CCDC136: variants seen among roughly 807,000 people sequenced by gnomAD.
CCDC136 encodes coiled-coil domain-containing protein 136.
A neutral mutation model predicts 141.2 loss-of-function variants in CCDC136; 100 were observed. That is an observed-to-expected ratio of 0.71 (90% CI 0.60 to 0.84). CCDC136 has a LOEUF of 0.84. Among genes scored for constraint, CCDC136 ranks in the 40% least tolerant of loss-of-function variants. The probability of loss-of-function intolerance (pLI) is 0.00; values close to 1 mark genes in which losing one functional copy is unlikely to be tolerated. For missense variants in CCDC136, 1,206 were observed against 1,379.4 expected (o/e 0.87, Z 1.99); for synonymous variants, 474 against 531.9 (o/e 0.89, Z 1.50).
chr7:128,819,920 A>G (rs1807207210), intron 17 of CCDC136, among the ~76,000 whole-genome samples: 1 of 152,130 alleles, frequency 6.6e-6, no homozygotes, highest in Admixed American at 6.5e-5. Flanking sequence ...TGTATTTTTT[A>G]TAAGCCCCTC....
At chr7:128,816,037 G>A in intron 16 of CCDC136, 106 bp downstream of exon 16, 16 of 1,122,958 alleles carry the variant, frequency 1.4e-5, no homozygotes, top group Non-Finnish European at 2.0e-5. Context: ...CAGGAGTGGA[G>A]GCCTCGCGCT....
intron 14 of CCDC136, 71 bp downstream of exon 14, chr7:128,813,000 A>G (rs1235900528): frequency 2.0e-6 from 2 of 990,064 alleles, no homozygotes; most frequent in Admixed American, 2.0e-5. Flanking sequence ...GCCACTTCAT[A>G]GAGGCTAAAG....
At chr7:128,796,078 C>T (rs868835397) in intron 3 of CCDC136, among the ~76,000 whole-genome samples, 5 of 152,280 alleles carry the variant, frequency 3.3e-5, no homozygotes, top group Middle Eastern at 3.4e-3. Flanking sequence ...CAGGTTCAAG[C>T]GATTCTAGTG....
rs371433810 is a variant in CCDC136 at position 128,812,709 on chromosome 7, G to A, written c.2543G>A (p.Arg848His). 3.7e-5 allele frequency: 60 copies of A among 1,611,876 alleles called. No individual in the cohort carries two copies. Among genetic ancestry groups the A allele is most frequent in the Middle Eastern group, 3.7e-4 (2 of 5,470 alleles). Residue 848 changes from arginine to histidine, a missense_variant and splice_region_variant, in exon 14 of 18, where the codon CGC (arginine) becomes CAC (histidine). Physicochemically the swap from Arg to His is conservative, Grantham distance 29. Transcript: ENST00000297788. ...EEPAEPEDME[R>H]FEEMVVKVLI... ...TTGTTGCTCCCCCACCCCCCGCAGC[G>A]CTTTGAGGAAATGGTTGTGAAAGTG...
intron 10 of CCDC136, chr7:128,809,246 C>T: frequency 1.9e-6 from 1 of 529,524 alleles, no homozygotes. Flanking sequence ...TCTAGAGCAA[C>T]CTGCTCTGAA....
chr7:128,799,929 T>C (rs1360141258), intron 3 of CCDC136, among the ~76,000 whole-genome samples: 1 of 152,254 alleles, frequency 6.6e-6, no homozygotes, highest in African/African-American at 2.4e-5. Flanking sequence ...CAGAGAACTC[T>C]TAACTCATTA....
At chr7:128,806,487 A>G in intron 8 of CCDC136, 92 bp downstream of exon 8, 1 of 1,296,768 alleles carries the variant, frequency 7.7e-7, no homozygotes, top group Non-Finnish European at 1.1e-6. Flanking sequence ...TGAGTTAAAA[A>G]TAATTCCAGC....
chr7:128,814,671 C>T lies in CCDC136; in HGVS notation c.2797C>T (p.Gln933Ter). 1 of 1,595,690 alleles carries T rather than the reference C, an allele frequency of 6.3e-7. No individual in the cohort carries two copies. Among genetic ancestry groups the T allele is most frequent in the Non-Finnish European group, 8.5e-7 (1 of 1,169,898 alleles). The change falls in exon 15 of 18, where the codon CAG (glutamine) becomes TAG (stop). Residue 933 changes from glutamine to a stop codon, truncating the protein, a stop_gained. Coordinates refer to ENST00000297788, the MANE Select transcript of CCDC136 (RefSeq NM_022742.5). LOFTEE classifies it high-confidence loss of function. ...KELQTKLRELQLQYQASMDEQ... is the reference protein window; with the variant it reads ...KELQTKLREL ...ACTGCAGACCAAGCTGCGGGAGCTG[C>T]AGCTGCAATACCAGGCTAGCATGGA...
intron 1 of CCDC136, 71 bp downstream of exon 1, chr7:128,792,498 A>C: frequency 1.6e-6 from 2 of 1,243,996 alleles, no homozygotes; most frequent in Non-Finnish European, 2.3e-6. Context: ...CCTCCCTCTG[A>C]CCCCCAGGCC....
At position 128,792,637 on chromosome 7, in the gene CCDC136, C is replaced by A. The variant is rs560510251; in HGVS notation, c.16+210C>A. Among the ~76,000 whole-genome samples the A allele has an allele frequency of 3.3e-5, 5 of 152,246 alleles. No individual in the cohort carries two copies. The South Asian group carries it at 1.0e-3, about 32-fold the overall frequency. ...ATGCATCCCTTCGGGACCCCAATCA[C>A]CCCCCAGCTAACCAGGTTATGTGTC... On this transcript the variant is annotated intron_variant, in intron 1 of 17. Coordinates refer to ENST00000297788, the MANE Select transcript of CCDC136 (RefSeq NM_022742.5).
rs1050056762 is a variant in CCDC136, at chr7:128,815,673, A to G, written c.3105A>G (p.Lys1035=). ...ASQRKLDGLA[K]EEEKKEEMEE... is the part of the protein sequence containing the mutation. Reference sequence around the variant, plus strand: ...AGAGGAAATTAGATGGACTAGCAAAAGAGGAGGAAAAGAAAGAGGAGATGG... The same window carrying G: ...AGAGGAAATTAGATGGACTAGCAAAGGAGGAGGAAAAGAAAGAGGAGATGG... The change falls in exon 16 of 18, where the codon AAA becomes AAG. Residue 1035 remains lysine, a synonymous_variant. Coordinates refer to ENST00000297788, the MANE Select transcript of CCDC136 (RefSeq NM_022742.5). The G allele has an allele frequency of 1.0e-5, 16 of 1,555,636 alleles. No homozygotes were observed. The highest frequency in any genetic ancestry group is 1.4e-5 in the Non-Finnish European group (16 of 1,149,342).
At chr7:128,816,323 G>A (rs1806628159) in intron 16 of CCDC136, among the ~76,000 whole-genome samples, 1 of 152,182 alleles carries the variant, frequency 6.6e-6, no homozygotes, top group Non-Finnish European at 1.5e-5. Flanking sequence ...TGTCGGTCTG[G>A]GCAAGTCACT....
Position 128,794,599 on chromosome 7 carries a change from C to T in CCDC136, c.268C>T (p.Gln90Ter). The T allele has an allele frequency of 3.2e-6, 5 of 1,549,198 alleles. No homozygotes were observed. The highest frequency in any genetic ancestry group is 4.4e-6 in the Non-Finnish European group (5 of 1,145,584). ...GQHEDDSLEL[Q>*]GLLEDERLAS... ...GCATGAGGATGACTCCTTGGAGCTACAGGGTGAGTGCCTGGGCCAGGGCCC... is the reference window on the plus strand; with the variant it reads ...GCATGAGGATGACTCCTTGGAGCTATAGGGTGAGTGCCTGGGCCAGGGCCC... The change falls in exon 2 of 18, where the codon CAG (glutamine) becomes TAG (stop). Residue 90 changes from glutamine (Q) to a stop codon, truncating the protein, a stop_gained. Transcript: ENST00000297788. LOFTEE classifies it high-confidence loss of function. This position sits in a 1 kb window ranked among gnomAD's most constrained non-coding sequence, Gnocchi z 4.3.
chr7:128,813,791 G>A (rs762350952), intron 14 of CCDC136, among the ~76,000 whole-genome samples: 2 of 152,074 alleles, frequency 1.3e-5, no homozygotes, highest in Admixed American at 6.5e-5. Flanking sequence ...GACCAGCCTG[G>A]CCAACTTGGA....
intron 1 of CCDC136, among the ~76,000 whole-genome samples, chr7:128,793,279 A>G (rs1396181636): frequency 6.6e-6 from 1 of 152,196 alleles, no homozygotes; most frequent in Non-Finnish European, 1.5e-5. Context: ...TTTTTAATGC[A>G]TTAAAATGGT....
rs540292407 is a variant in CCDC136 at position 128,812,379 on chromosome 7, G to T, written c.2541+67G>T. 3 of 1,494,664 alleles carry T rather than the reference G, an allele frequency of 2.0e-6. No homozygotes were observed. In the Admixed American group the frequency reaches 5.9e-5, roughly 30 times the overall value. The allele number at this position is 1,494,664 out of a possible 1,614,324, so 92.6% of individuals were successfully genotyped here. On this transcript the variant is annotated intron_variant, in intron 13 of 17. Coordinates refer to ENST00000297788, the MANE Select transcript of CCDC136 (RefSeq NM_022742.5). Reference sequence around the variant, plus strand: ...CTCTTGTCTTTTTAAGAGATACATCGCCAGGGGAAGGGGCAAGAAGTGTGG... The same window carrying T: ...CTCTTGTCTTTTTAAGAGATACATCTCCAGGGGAAGGGGCAAGAAGTGTGG...
intron 3 of CCDC136, among the ~76,000 whole-genome samples, chr7:128,799,435 G>C (rs1337567075): frequency 2.0e-5 from 3 of 151,782 alleles, no homozygotes; most frequent in Non-Finnish European, 4.4e-5. Flanking sequence ...ATGAACTGCT[G>C]CCTTACTTAT....
intron 3 of CCDC136, 77 bp from the exon 4 acceptor site, chr7:128,801,109 C>A: frequency 9.4e-7 from 1 of 1,064,542 alleles, no homozygotes; most frequent in Non-Finnish European, 1.4e-6. Flanking sequence ...ATAAGTCTCC[C>A]TTTAATTTTG....
At chr7:128,791,450 G>A, upstream of CCDC136, 2 of 1,298,870 alleles carry the variant, frequency 1.5e-6, no homozygotes, top group Non-Finnish European at 2.0e-6. This position sits in a 1 kb window ranked among gnomAD's most constrained non-coding sequence, Gnocchi z 7.1. Flanking sequence ...GCTCGCGGCT[G>A]CGGCTTCTGC....
Sources: allele counts gnomAD v4.1 joint callset (sites outside exome capture counted in the v4.1 genomes callset), GRCh38; gene constraint gnomAD v4.1.1; non-coding constraint Gnocchi (gnomAD v3.1); transcripts MANE v1.5; gene names NCBI Gene and HGNC (gene_info 2026-07-23, HGNC 2026-07-21).